DNAH11: variants seen among roughly 807,000 people sequenced by gnomAD.
DNAH11 encodes dynein axonemal heavy chain 11, also known as axonemal beta dynein heavy chain 11.
In DNAH11, 442 loss-of-function variants were observed where a neutral mutation model predicts 526.0. The ratio of observed to expected loss-of-function variants is 0.84; its 90% CI spans 0.78 to 0.91. DNAH11 has a LOEUF of 0.91. Among genes scored for constraint, DNAH11 ranks in the 40% least tolerant of loss-of-function variants. DNAH11 has a pLI of 0.00. For missense variants in DNAH11, 6,989 were observed against 5,448.7 expected (o/e 1.28, Z -8.90); for synonymous variants, 2,461 against 1,935.9 (o/e 1.27, Z -7.12).
rs770332359 is a variant in DNAH11 at position 21,690,924 on chromosome 7, C to G, written c.6041+43C>G. The G allele has an allele frequency of 7.1e-6, 10 of 1,417,646 alleles. No individual in the cohort carries two copies. The East Asian group carries it at 2.3e-4, about 33-fold the overall frequency. 87.8% of individuals were successfully genotyped at this position (1,417,646 alleles called of 1,614,324 possible). The stretch of plus-strand genomic sequence containing the variant: ...TGGCTTAGCATCTGGTGCACTCATG[C>G]CACCTAATGTTGTTGGTTTGCACTG... On this transcript the variant is annotated intron_variant, in intron 35 of 81. Transcript: ENST00000409508.
intron 28 of DNAH11, among the ~76,000 whole-genome samples, chr7:21,651,226 C>G (rs1781751818): frequency 6.6e-6 from 1 of 152,090 alleles, no homozygotes; most frequent in Non-Finnish European, 1.5e-5. Flanking sequence ...TATATTTTAT[C>G]CCATTAATAA....
intron 54 of DNAH11, among the ~76,000 whole-genome samples, chr7:21,763,058 A>G (rs951435486): frequency 1.3e-5 from 2 of 152,160 alleles, no homozygotes; most frequent in Non-Finnish European, 1.5e-5. Flanking sequence ...AAGAAGACAT[A>G]CAAGGCCAGG....
At chr7:21,616,185 T>C (rs1785773791) in intron 21 of DNAH11, 24 bp from the exon 22 acceptor site, 1 of 1,600,540 alleles carries the variant, frequency 6.2e-7, no homozygotes, top group Non-Finnish European at 8.6e-7. Context: ...TTGTTGACAC[T>C]TTTATCTGCT....
chr7:21,607,754 A>G (rs1785352155), intron 20 of DNAH11, among the ~76,000 whole-genome samples: 2 of 151,342 alleles, frequency 1.3e-5, no homozygotes, highest in South Asian at 2.1e-4. Context: ...ACACGGTGAA[A>G]CCCCGTCTCT....
intron 2 of DNAH11, among the ~76,000 whole-genome samples, chr7:21,554,024 C>T (rs1489483099): frequency 6.6e-6 from 1 of 152,124 alleles, no homozygotes. Context: ...GTCTCTGACC[C>T]TGTGCAGGAA....
At chr7:21,889,442 CTA>C (rs1784251599) in intron 76 of DNAH11, among the ~76,000 whole-genome samples, 2 of 152,274 alleles carry the variant, frequency 1.3e-5, no homozygotes, top group African/African-American at 2.4e-5. Context: ...AGTGATAACT[CTA>C]TGTTTATCAT....
chr7:21,886,654 C>T (rs537046818), intron 76 of DNAH11, among the ~76,000 whole-genome samples: 37 of 24,366 alleles, frequency 1.5e-3, no homozygotes, highest in African/African-American at 2.9e-3. Flanking sequence ...GCAAGGGGCC[C>T]GCGAGGAGCT....
At chr7:21,756,763 T>C (rs1004293790) in intron 54 of DNAH11, among the ~76,000 whole-genome samples, 39 of 152,194 alleles carry the variant, frequency 2.6e-4, no homozygotes, top group African/African-American at 8.9e-4. Flanking sequence ...AAAATCACTT[T>C]GCTAAATTCT....
chr7:21,879,765 AATC>A (rs558177277), intron 74 of DNAH11, among the ~76,000 whole-genome samples: 49 of 152,220 alleles, frequency 3.2e-4, no homozygotes, highest in African/African-American at 9.9e-4. Context: ...AGACTTGACC[AATC>A]ATCATCATTT....
At chr7:21,860,213 T>G (rs987686264) in intron 68 of DNAH11, among the ~76,000 whole-genome samples, 1 of 152,008 alleles carries the variant, frequency 6.6e-6, no homozygotes, top group Non-Finnish European at 1.5e-5. Flanking sequence ...ATACTCAACA[T>G]TAACAATTTT....
At position 21,543,383 on chromosome 7, in the gene DNAH11, G is replaced by A. The variant is rs945514775; in HGVS notation, c.138G>A (p.Ala46=). ...EEEEENEEEA[A]ARRARSFAQD... ...AGGAGGAGAACGAGGAGGAGGCGGC[G>A]GCCAGGAGAGCGCGGAGTTTCGCCC... Residue 46 remains alanine, a synonymous_variant, in exon 1 of 82, where the codon GCG becomes GCA. Coordinates refer to ENST00000409508, the MANE Select transcript of DNAH11 (RefSeq NM_001277115.2). 3 of 1,552,032 alleles carry A rather than the reference G, an allele frequency of 1.9e-6. No individual in the cohort carries two copies. The highest frequency in any genetic ancestry group is 3.9e-5 in the Admixed American group (2 of 51,032).
chr7:21,864,561 C>T lies in DNAH11; in HGVS notation c.11400C>T (p.Asp3800=), dbSNP rs372458551. The T allele has an allele frequency of 3.9e-5, 63 of 1,611,510 alleles. No individual in the cohort carries two copies. In the African/African-American group the frequency reaches 6.1e-4, roughly 16 times the overall value. The change falls in exon 70 of 82, where the codon GAC becomes GAT. Residue 3800 remains aspartate (D), a synonymous_variant. Coordinates refer to ENST00000409508, the MANE Select transcript of DNAH11 (RefSeq NM_001277115.2). Reference sequence around the variant, plus strand: ...TTTTGTTGAGAAAGAAAGAGATAGACCCTCTTGAATTGGATTTCCTGCTTC... The same window carrying T: ...TTTTGTTGAGAAAGAAAGAGATAGATCCTCTTGAATTGGATTTCCTGCTTC... ...FQILLRKKEI[D]PLELDFLLRF... is the part of the protein sequence containing the mutation.
In DNAH11 at chr7:21,883,833, G is replaced by A. The variant is rs545185410; in HGVS notation, c.12388-458G>A. The stretch of plus-strand genomic sequence containing the variant: ...AGGAGGAAGGATGGCTTGAGGCCAG[G>A]AATTCGAGACCAACCTGGACACCAT... On this transcript the variant is annotated intron_variant, in intron 75 of 81. Coordinates refer to ENST00000409508, the MANE Select transcript of DNAH11 (RefSeq NM_001277115.2). Among the ~76,000 whole-genome samples, 346 of 152,252 alleles carry A rather than the reference G, an allele frequency of 2.3e-3. 1 individual carries two copies. The highest frequency in any genetic ancestry group is 3.6e-3 in the Non-Finnish European group (242 of 68,010).
rs905190099 is a variant in DNAH11 at position 21,828,562 on chromosome 7, G to A, written c.10691+10223G>A. Among the ~76,000 whole-genome samples the A allele has an allele frequency of 2.0e-5, 3 of 151,992 alleles. No individual in the cohort carries two copies. The East Asian group carries it at 5.8e-4, about 29-fold the overall frequency. ...TTTATCTGAAAATAAATACCAAACAGGGCTTCAGATAAAGAATCCTCAGAT... is the reference window on the plus strand; with the variant it reads ...TTTATCTGAAAATAAATACCAAACAAGGCTTCAGATAAAGAATCCTCAGAT... On this transcript the variant is annotated intron_variant, in intron 65 of 81. Transcript: ENST00000409508.
chr7:21,702,787 T>C lies in DNAH11; in HGVS notation c.6258T>C (p.Asn2086=), dbSNP rs745398621. The part of the protein sequence containing the change: ...VAGSLKRGDK[N]RPEDQVLMRA... ...GATCTCTGAAACGAGGAGATAAAAA[T>C]AGACCCGAAGATCAGGTACTGCAAT... The change falls in exon 37 of 82, where the codon AAT becomes AAC. Residue 2086 remains asparagine, a synonymous_variant. Transcript: ENST00000409508. 3 of 1,613,016 alleles carry C rather than the reference T, an allele frequency of 1.9e-6. No homozygotes were observed. In the African/African-American group the frequency reaches 4.0e-5, roughly 22 times the overall value.
At chr7:21,789,759 TTC>T (rs756133643) in intron 61 of DNAH11, among the ~76,000 whole-genome samples, 3 of 136,552 alleles carry the variant, frequency 2.2e-5, no homozygotes, top group African/African-American at 8.1e-5. Context: ...AAGCATTTCT[TTC>T]TCTCTTTCTT....
rs138613368 is a variant in DNAH11 at position 21,571,963 on chromosome 7, G to T, written c.1583G>T (p.Cys528Phe). The change falls in exon 8 of 82, where the codon TGC becomes TTC. Residue 528 changes from cysteine to phenylalanine, a missense_variant. By Grantham distance (205) the Cys-to-Phe change is radical. Coordinates refer to ENST00000409508, the MANE Select transcript of DNAH11 (RefSeq NM_001277115.2). ...FKQSTYDPSD[C>F]TNMEFESDYV... ...CAGAGCACTTATGACCCATCTGATT[G>T]CACTAACATGGTAATGTTGTACCTT... is the stretch of plus-strand genomic sequence containing the variant. 6.4e-7 allele frequency: 1 copy of T among 1,558,656 alleles called. No individual in the cohort carries two copies. Among genetic ancestry groups the T allele is most frequent in the Non-Finnish European group, 8.6e-7 (1 of 1,156,732 alleles).
intron 76 of DNAH11, among the ~76,000 whole-genome samples, chr7:21,888,057 G>A (rs539797854): frequency 4.3e-4 from 66 of 152,288 alleles, no homozygotes; most frequent in African/African-American, 1.5e-3. Flanking sequence ...CGGGAGACCA[G>A]AGTTCTGGTT....
chr7:21,560,559 T>C (rs888613458), intron 4 of DNAH11, among the ~76,000 whole-genome samples: 3 of 152,154 alleles, frequency 2.0e-5, no homozygotes, highest in Non-Finnish European at 4.4e-5. Flanking sequence ...GCTGAAGAAC[T>C]TGGATTCTGA....
Sources: gnomAD v4.1 joint callset for allele counts (sites outside exome capture counted in the v4.1 genomes callset) on GRCh38, gnomAD v4.1.1 for gene constraint, MANE v1.5 for transcripts, NCBI Gene and HGNC (gene_info 2026-07-23, HGNC 2026-07-21) for gene names.